FER1L5: variants seen among roughly 807,000 people sequenced by gnomAD.
FER1L5 encodes fer-1-like protein 5.
In FER1L5, 187 loss-of-function variants were observed where a neutral mutation model predicts 279.9. The ratio of observed to expected loss-of-function variants is 0.67; its 90% CI spans 0.59 to 0.75. FER1L5 has a LOEUF of 0.75. FER1L5 is among the 30% of genes least tolerant of loss of function. The probability of loss-of-function intolerance (pLI) is 0.00; values close to 1 mark genes in which losing one functional copy is unlikely to be tolerated. For missense variants in FER1L5, 2,091 were observed against 2,594.4 expected (o/e 0.81, Z 4.21); for synonymous variants, 921 against 989.7 (o/e 0.93, Z 1.30).
Position 96,668,901 on chromosome 2 carries a change from C to T in FER1L5, c.1200C>T (p.Cys400=). 2 of 1,551,626 alleles carry T rather than the reference C, an allele frequency of 1.3e-6. No homozygotes were observed. The highest frequency in any genetic ancestry group is 1.7e-6 in the Non-Finnish European group (2 of 1,146,966). The part of the protein sequence containing the change: ...FRVLDCRKKD[C]PDEIGTASLS... ...TTCTCTCTAGCCGCAAGAAGGACTGCCCGGATGAGATTGGGACTGCCAGCC... is the reference window on the plus strand; with the variant it reads ...TTCTCTCTAGCCGCAAGAAGGACTGTCCGGATGAGATTGGGACTGCCAGCC... Residue 400 remains cysteine (C), a synonymous_variant, in exon 16 of 53, where the codon TGC becomes TGT. Transcript: ENST00000624922.
chr2:96,652,137 T>C (rs1293282035), intron 7 of FER1L5, 117 bp downstream of exon 7: 4 of 1,390,868 alleles, frequency 2.9e-6, no homozygotes, highest in Non-Finnish European at 3.9e-6. Context: ...TCCACAAGCA[T>C]TTACTGAGTG....
Position 96,702,272 on chromosome 2 carries a change from T to C in FER1L5, c.5160-34T>C. The C allele has an allele frequency of 1.9e-6, 3 of 1,598,008 alleles. No homozygotes were observed. The highest frequency in any genetic ancestry group is 1.7e-4 in the Middle Eastern group (1 of 6,054). On this transcript the variant is annotated intron_variant, in intron 46 of 52. Transcript: ENST00000624922. The surrounding 1 kb of genome is among the most constrained non-coding windows in gnomAD (Gnocchi z 4.0). ...ACTGAGGCTGCAGCTGGGGAGCTCC[T>C]CCTCAGCAAAGCCTCAGAGCACAGT...
chr2:96,690,677 C>T (rs2077107811), intron 27 of FER1L5, 88 bp downstream of exon 27: 1 of 1,249,142 alleles, frequency 8.0e-7, no homozygotes, highest in African/African-American at 1.5e-5. Context: ...GCAGCCAAGC[C>T]CTCCATGGTA....
At chr2:96,700,646 G>C (rs1019443926) in intron 45 of FER1L5, among the ~76,000 whole-genome samples, 175 bp downstream of exon 45, 2 of 152,216 alleles carry the variant, frequency 1.3e-5, no homozygotes, top group African/African-American at 4.8e-5. Flanking sequence ...AGAAGTTCTG[G>C]TGGTGTCACT....
rs978250076 is a variant in FER1L5, at chr2:96,691,563, C to T, written c.3026C>T (p.Pro1009Leu). 2 of 1,548,686 alleles carry T rather than the reference C, an allele frequency of 1.3e-6. No individual in the cohort carries two copies. Among genetic ancestry groups the T allele is most frequent in the Non-Finnish European group, 1.7e-6 (2 of 1,145,844 alleles). Residue 1009 changes from proline (P) to leucine (L), a missense_variant, in exon 29 of 53, where the codon CCC becomes CTC. Physicochemically the swap from Pro to Leu is moderately conservative, Grantham distance 98 (BLOSUM62 -3). Coordinates refer to ENST00000624922, the MANE Select transcript of FER1L5 (RefSeq NM_001293083.2). The surrounding 1 kb of genome is among the most constrained non-coding windows in gnomAD (Gnocchi z 6.0). ...RRRCWRRRLAPNKDKGIAPIF... is the reference protein window; with the variant it reads ...RRRCWRRRLALNKDKGIAPIF... ...CGCTGCTGGCGCCGCAGGCTGGCCC[C>T]CAACAAGGACAAGGGCATCGCGCCC...
At chr2:96,662,925 A>C (rs2076005183) in intron 13 of FER1L5, among the ~76,000 whole-genome samples, 2 of 152,236 alleles carry the variant, frequency 1.3e-5, no homozygotes, top group Non-Finnish European at 2.9e-5. Context: ...CTCAGGTGGT[A>C]AGTGACACGC....
At chr2:96,675,226 T>C (rs993489891) in intron 19 of FER1L5, among the ~76,000 whole-genome samples, 6 of 152,176 alleles carry the variant, frequency 3.9e-5, no homozygotes, top group Non-Finnish European at 8.8e-5. Flanking sequence ...ATTATAATAA[T>C]TTTGTTATAA....
intron 7 of FER1L5, 90 bp downstream of exon 7, chr2:96,652,110 T>A (rs2075407218): frequency 6.6e-7 from 1 of 1,511,546 alleles, no homozygotes; most frequent in South Asian, 1.2e-5. Context: ...TTGACTAGGG[T>A]GTCTTCATGT....
At chr2:96,659,594 C>A (rs577796389) in intron 9 of FER1L5, among the ~76,000 whole-genome samples, 3 of 149,934 alleles carry the variant, frequency 2.0e-5, no homozygotes. Context: ...CGGGTTCACA[C>A]CATTCTCCTG....
At chr2:96,700,493 T>C in intron 45 of FER1L5, 22 bp downstream of exon 45, 1 of 1,611,678 alleles carries the variant, frequency 6.2e-7, no homozygotes. Context: ...GAGGGGCCAC[T>C]CCTGGCTCCT....
chr2:96,664,904 G>A lies in FER1L5; in HGVS notation c.1140+1397G>A, dbSNP rs561624303. ...AATATAATTAGAGCTTTTTGTTGAT[G>A]GCCTGGAGCCATTATGGGAACATAG... On this transcript the variant is annotated intron_variant, in intron 14 of 52. Coordinates refer to ENST00000624922, the MANE Select transcript of FER1L5 (RefSeq NM_001293083.2). 4.6e-5 allele frequency among the ~76,000 whole-genome samples: 7 copies of A among 152,246 alleles called. No individual in the cohort carries two copies. The East Asian group carries it at 1.3e-3, about 29-fold the overall frequency.
Position 96,653,692 on chromosome 2 carries a change from T to C in FER1L5, c.686T>C (p.Ile229Thr). 5 of 1,551,188 alleles carry C rather than the reference T, an allele frequency of 3.2e-6. No individual in the cohort carries two copies. The highest frequency in any genetic ancestry group is 3.5e-6 in the Non-Finnish European group (4 of 1,146,868). ...CCTGCAAAGTTCTTTGATGAGACCATCTTAATCCAGGTGAGGAGCCAAACT... is the reference window on the plus strand; with the variant it reads ...CCTGCAAAGTTCTTTGATGAGACCACCTTAATCCAGGTGAGGAGCCAAACT... ...EVPAKFFDET[I>T]LIQVVNSSAM... is the part of the protein sequence containing the mutation. Residue 229 changes from isoleucine (I) to threonine (T), a missense_variant, in exon 8 of 53, where the codon ATC becomes ACC. By Grantham distance (89) the Ile-to-Thr change is moderately conservative. Transcript: ENST00000624922.
chr2:96,672,829 C>A (rs982205830), intron 18 of FER1L5, among the ~76,000 whole-genome samples: 3 of 152,120 alleles, frequency 2.0e-5, no homozygotes, highest in Admixed American at 6.5e-5. Context: ...AGACCACCCC[C>A]CTCCCCAGCC....
At chr2:96,649,472 A>G in intron 4 of FER1L5, 151 bp from the exon 5 acceptor site, 2 of 672,358 alleles carry the variant, frequency 3.0e-6, no homozygotes, top group South Asian at 1.8e-5. Context: ...CAGACTGTGC[A>G]GATGCCCATG....
chr2:96,655,773 A>G (rs1297296221), intron 9 of FER1L5, among the ~76,000 whole-genome samples: 2 of 152,080 alleles, frequency 1.3e-5, no homozygotes, highest in African/African-American at 4.8e-5. Context: ...GCAGTGGTGC[A>G]ATCCCGGCTC....
At chr2:96,666,817 A>AT (rs1473976499) in intron 14 of FER1L5, among the ~76,000 whole-genome samples, 1 of 151,756 alleles carries the variant, frequency 6.6e-6, no homozygotes, top group Non-Finnish European at 1.5e-5. Context: ...TGCCCAGCTG[A>AT]TTTTTTGTAT....
rs2076021474 is a variant in FER1L5 at position 96,663,460 on chromosome 2, C to G, written c.1093C>G (p.Gln365Glu). 8.4e-6 allele frequency: 13 copies of G among 1,551,650 alleles called. No individual in the cohort carries two copies. The highest frequency in any genetic ancestry group is 1.1e-5 in the Non-Finnish European group (13 of 1,146,968). ...CCAGCTCAGGACACACATGCAGACC[C>G]AAACCGACAACCCGATATGGAACCA... ...GEKLRTHMQT[Q>E]TDNPIWNQIL... The change falls in exon 14 of 53, where the codon CAA becomes GAA. Residue 365 changes from glutamine to glutamate, a missense_variant. Transcript: ENST00000624922.
At position 96,651,876 on chromosome 2, in the gene FER1L5, T is replaced by C. The variant is rs1314232029; in HGVS notation, c.505-16T>C. ...GAAGGCCCTCAATATCAGCTCCCCA[T>C]GTGTTCCGCCCTTAGGTTCGAGTGA... On this transcript the variant is annotated splice_polypyrimidine_tract_variant and intron_variant, in intron 6 of 52. Coordinates refer to ENST00000624922, the MANE Select transcript of FER1L5 (RefSeq NM_001293083.2). The C allele has an allele frequency of 6.4e-7, 1 of 1,552,048 alleles. No homozygotes were observed. Among genetic ancestry groups the C allele is most frequent in the East Asian group, 2.4e-5 (1 of 40,918 alleles).
In FER1L5 at chr2:96,698,812, C is replaced by T. The variant is rs758516645; in HGVS notation, c.4498C>T (p.Pro1500Ser). The part of the protein sequence containing the change: ...VYMVRAINLQ[P>S]QDYNGLCDPY... ...CATGGTACGAGCCATCAACCTGCAG[C>T]CCCAGGACTACAATGGCCTGGTAAA... Residue 1500 changes from proline to serine, a missense_variant, in exon 41 of 53, where the codon CCC (proline) becomes TCC (serine). Coordinates refer to ENST00000624922, the MANE Select transcript of FER1L5 (RefSeq NM_001293083.2). This position sits in a 1 kb window ranked among gnomAD's most constrained non-coding sequence, Gnocchi z 5.5. 1 of 1,563,566 alleles carries T rather than the reference C, an allele frequency of 6.4e-7. No individual in the cohort carries two copies. The highest frequency in any genetic ancestry group is 1.2e-5 in the South Asian group (1 of 84,652).
Sources: allele counts gnomAD v4.1 joint callset (sites outside exome capture counted in the v4.1 genomes callset), GRCh38; gene constraint gnomAD v4.1.1; non-coding constraint Gnocchi (gnomAD v3.1); transcripts MANE v1.5; gene names NCBI Gene and HGNC (gene_info 2026-07-23, HGNC 2026-07-21).